The following KRT37 variants were observed in gnomAD, a reference collection of about 807,000 sequenced individuals.
The protein encoded by KRT37 is keratin 37.
A neutral mutation model predicts 41.9 loss-of-function variants in KRT37; 38 were observed. The observed-to-expected ratio is 0.91, with a 90% CI of 0.70 to 1.19. The LOEUF (loss-of-function observed/expected upper bound fraction) is 1.19, where lower values mean the gene tolerates loss of function less well. KRT37 is among the 50% of genes most tolerant of loss of function. The probability of loss-of-function intolerance (pLI) is 0.00; values close to 1 mark genes in which losing one functional copy is unlikely to be tolerated. For missense variants in KRT37, 580 were observed against 575.5 expected (o/e 1.01, Z -0.08); for synonymous variants, 252 against 243.4 (o/e 1.04, Z -0.33).
At position 41,422,354 on chromosome 17, in the gene KRT37, C is replaced by T. The variant is rs770097993; in HGVS notation, c.813G>A (p.Arg271=). 5 of 1,614,086 alleles carry T rather than the reference C, an allele frequency of 3.1e-6. No individual in the cohort carries two copies. The highest frequency in any genetic ancestry group is 1.3e-5 in the African/African-American group (1 of 74,944). ...LDIEPTIDLN[R]VLGEMRAQYE... ...ACTGAGCCCGCATCTCCCCCAACAC[C>T]CTGTTCAGGTCAATGGTGGGCTCAA... is the stretch of plus-strand genomic sequence containing the variant. Residue 271 remains arginine, a synonymous_variant, in exon 4 of 7, where the codon AGG becomes AGA. Coordinates refer to ENST00000225550, the MANE Select transcript of KRT37 (RefSeq NM_003770.5).
rs766404637 is a variant in KRT37 at position 41,422,862 on chromosome 17, G to A, written c.648C>T (p.Asp216=). The A allele has an allele frequency of 3.0e-5, 48 of 1,614,140 alleles. No individual in the cohort carries two copies. The highest frequency in any genetic ancestry group is 1.4e-4 in the South Asian group (13 of 91,078). Residue 216 remains aspartate (D), a synonymous_variant, in exon 3 of 7, where the codon GAC becomes GAT. Transcript: ENST00000225550. ...CCAGGTCGGCCTTGGCCAGGGTCGC[G>A]TCATCCAGGAGCTTCTGCGTCCCGC... ...DKCGTQKLLD[D]ATLAKADLEA...
rs750842593 is a variant in KRT37, at chr17:41,423,748, T to G, written c.575+14A>C. 1 of 1,613,004 alleles carries G rather than the reference T, an allele frequency of 6.2e-7. No individual in the cohort carries two copies. Among genetic ancestry groups the G allele is most frequent in the Admixed American group, 1.7e-5 (1 of 60,024 alleles). ...AGGAGAGAAGTCACACTGACCCTCC[T>G]CATCCTGACTTACTTGATCCTAAAG... On this transcript the variant is annotated intron_variant, in intron 2 of 6. Coordinates refer to ENST00000225550, the MANE Select transcript of KRT37 (RefSeq NM_003770.5).
chr17:41,420,973 G>C lies in KRT37; in HGVS notation c.1255C>G (p.Pro419Ala). ...ESEDCKLPCN[P>A]CSTPASCTSC... ...GTACAGGAGGCAGGCGTGGAACAGG[G>C]ATTGCAGGGGAGTCTGCAGGGAGAG... is the stretch of plus-strand genomic sequence containing the variant. The change falls in exon 7 of 7, where the codon CCC becomes GCC. Residue 419 changes from proline to alanine, a missense_variant. Physicochemically the swap from Pro to Ala is conservative, Grantham distance 27. Transcript: ENST00000225550. The C allele has an allele frequency of 2.5e-6, 4 of 1,612,940 alleles. No homozygotes were observed. Among genetic ancestry groups the C allele is most frequent in the Non-Finnish European group, 3.4e-6 (4 of 1,178,966 alleles).
At chr17:41,423,300 T>G (rs2018569926) in intron 2 of KRT37, 1 of 273,088 alleles carries the variant, frequency 3.7e-6, no homozygotes, top group Non-Finnish European at 6.8e-6. Flanking sequence ...TTGCTGCTTT[T>G]CCTCTTGGAT....
rs370336432 is a variant in KRT37, at chr17:41,424,508, T to C, written c.16A>G (p.Ser6Gly). The part of the protein sequence containing the change: MTSFY[S>G]TSSCPLGCTM... ...CAACCCAGAGGGCATGAGGAGGTGC[T>C]GTAGAAGGAGGTCATGGTGTAGGGC... The change falls in exon 1 of 7, where the codon AGC (serine) becomes GGC (glycine). Residue 6 changes from serine (S) to glycine (G), a missense_variant. Physicochemically the swap from Ser to Gly is moderately conservative, Grantham distance 56 (BLOSUM62 0). Coordinates refer to ENST00000225550, the MANE Select transcript of KRT37 (RefSeq NM_003770.5). 1.9e-6 allele frequency: 3 copies of C among 1,581,960 alleles called. No individual in the cohort carries two copies. The highest frequency in any genetic ancestry group is 2.7e-5 in the African/African-American group (2 of 74,478).
chr17:41,423,906 T>C, intron 1 of KRT37, 62 bp from the exon 2 acceptor site: 1 of 1,605,920 alleles, frequency 6.2e-7, no homozygotes. Flanking sequence ...CCACTCCATG[T>C]GTGGTATTTA....
chr17:41,422,477 C>T, intron 3 of KRT37, 43 bp from the exon 4 acceptor site: 1 of 1,606,974 alleles, frequency 6.2e-7, no homozygotes, highest in Non-Finnish European at 8.5e-7. Context: ...AAGGAAACGG[C>T]CTTTGATGGA....
At chr17:41,421,979 G>T in intron 5 of KRT37, 90 bp downstream of exon 5, 1 of 1,595,988 alleles carries the variant, frequency 6.3e-7, no homozygotes, top group Non-Finnish European at 8.6e-7. Context: ...ACTTAATGTT[G>T]AAGGAACTGA....
chr17:41,423,518 G>A, intron 2 of KRT37: 1 of 470,868 alleles, frequency 2.1e-6, no homozygotes, highest in Non-Finnish European at 3.7e-6. Flanking sequence ...TCTAGATATG[G>A]GAGAAAGTGA....
rs1249734225 is a variant in KRT37, at chr17:41,420,935, G to A, written c.1293C>T (p.Ser431=). ...STPASCTSCP[S]CGPVTGGSPS... ...GAGACCCACCGGTGACAGGGCCACAGCTTGGACAAGAAGTACAGGAGGCAG... is the reference window on the plus strand; with the variant it reads ...GAGACCCACCGGTGACAGGGCCACAACTTGGACAAGAAGTACAGGAGGCAG... Residue 431 remains serine (S), a synonymous_variant, in exon 7 of 7, where the codon AGC becomes AGT. Transcript: ENST00000225550. 1 of 1,613,996 alleles carries A rather than the reference G, an allele frequency of 6.2e-7. No homozygotes were observed. The highest frequency in any genetic ancestry group is 8.5e-7 in the Non-Finnish European group (1 of 1,180,012).
In KRT37 at chr17:41,422,087, G is replaced by A. The variant is rs747761004; in HGVS notation, c.1002C>T (p.Arg334=). 92 of 1,614,196 alleles carry A rather than the reference G, an allele frequency of 5.7e-5. No individual in the cohort carries two copies. The highest frequency in any genetic ancestry group is 4.0e-4 in the East Asian group (18 of 44,886). Residue 334 remains arginine, a synonymous_variant, in exon 5 of 7, where the codon CGC becomes CGT. Transcript: ENST00000225550. ...CACGTACCAAGGTGTGCTGGGCTTG[G>A]CGCTCCACCTCCAGGGCATTCACCG... ...RCTVNALEVE[R]QAQHTLKDCL... is the part of the protein sequence containing the mutation.
intron 3 of KRT37, 59 bp from the exon 4 acceptor site, chr17:41,422,493 C>G: frequency 6.3e-7 from 1 of 1,594,104 alleles, no homozygotes; most frequent in Non-Finnish European, 8.6e-7. Context: ...ATGGAGCAGA[C>G]AGCACCAGGA....
rs765193200 is a variant in KRT37, at chr17:41,422,980, C to T, written c.576-46G>A. On this transcript the variant is annotated intron_variant, in intron 2 of 6. Transcript: ENST00000225550. ...GGGTCAAAAAGAATGCCCCAATAGCCCCTCTCAGCTGCCCTGGCTTCCTAC... is the reference window on the plus strand; with the variant it reads ...GGGTCAAAAAGAATGCCCCAATAGCTCCTCTCAGCTGCCCTGGCTTCCTAC... The T allele has an allele frequency of 6.3e-6, 10 of 1,580,862 alleles. No individual in the cohort carries two copies. In the African/African-American group the frequency reaches 1.3e-4, roughly 21 times the overall value.
Position 41,424,213 on chromosome 17 carries a change from T to C in KRT37, c.311A>G (p.Glu104Gly), listed in dbSNP as rs990564708. 1.2e-6 allele frequency: 2 copies of C among 1,614,136 alleles called. No individual in the cohort carries two copies. Among genetic ancestry groups the C allele is most frequent in the African/African-American group, 2.7e-5 (2 of 74,948 alleles). ...ATTCAGGAACTTCATGGTCTCCTTC[T>C]CATGGCCATTCAGGGTGTTTTTGCC... ...AYGKNTLNGH[E>G]KETMKFLNDR... Residue 104 changes from glutamate to glycine, a missense_variant, in exon 1 of 7, where the codon GAG becomes GGG. By Grantham distance (98) the Glu-to-Gly change is moderately conservative. Coordinates refer to ENST00000225550, the MANE Select transcript of KRT37 (RefSeq NM_003770.5).
Position 41,422,188 on chromosome 17 carries a change from C to T in KRT37, c.901G>A (p.Gly301Ser). Residue 301 changes from glycine (G) to serine (S), a missense_variant, in exon 5 of 7, where the codon GGC becomes AGC. By Grantham distance (56) the Gly-to-Ser change is moderately conservative (BLOSUM62 0). Coordinates refer to ENST00000225550, the MANE Select transcript of KRT37 (RefSeq NM_003770.5). ...VEQWFQAQSE[G>S]ISLQAMSCSE... ...CAGGACATGGCCTGCAGGCTGATGCCTTCAGACTGGAGCACAGAGAAACAC... is the reference window on the plus strand; with the variant it reads ...CAGGACATGGCCTGCAGGCTGATGCTTTCAGACTGGAGCACAGAGAAACAC... The T allele has an allele frequency of 6.2e-7, 1 of 1,614,164 alleles. No homozygotes were observed. Among genetic ancestry groups the T allele is most frequent in the Non-Finnish European group, 8.5e-7 (1 of 1,180,030 alleles).
In KRT37 at chr17:41,422,382, T is replaced by C; in HGVS notation, c.785A>G (p.Asp262Gly). ...GTTCAGGTCAATGGTGGGCTCAATG[T>C]CCAGCTCGATCCGGAACTTCTCCCC... The part of the protein sequence containing the change: ...QLGEKFRIEL[D>G]IEPTIDLNRV... Residue 262 changes from aspartate to glycine, a missense_variant, in exon 4 of 7, where the codon GAC becomes GGC. Physicochemically the swap from Asp to Gly is moderately conservative, Grantham distance 94. Transcript: ENST00000225550. The C allele has an allele frequency of 6.2e-7, 1 of 1,614,176 alleles. No individual in the cohort carries two copies. The highest frequency in any genetic ancestry group is 8.5e-7 in the Non-Finnish European group (1 of 1,180,026).
intron 6 of KRT37, 91 bp from the exon 7 acceptor site, chr17:41,421,077 C>A (rs2144394737): frequency 2.1e-6 from 2 of 956,820 alleles, no homozygotes; most frequent in Non-Finnish European, 3.3e-6. Context: ...GGCCTGCCAC[C>A]AACAAGGCAC....
At chr17:41,421,674 A>G in intron 5 of KRT37, 87 bp from the exon 6 acceptor site, 4 of 1,241,872 alleles carry the variant, frequency 3.2e-6, no homozygotes, top group Non-Finnish European at 3.4e-6. Context: ...CACATAGGGC[A>G]AATTCCAAAA....
chr17:41,421,832 T>C (rs150117257), intron 5 of KRT37, among the ~76,000 whole-genome samples: 1 of 152,300 alleles, frequency 6.6e-6, no homozygotes, highest in Non-Finnish European at 1.5e-5. Context: ...TCGTAAAATC[T>C]TGTGGAGTGA....
Sources: allele counts gnomAD v4.1 joint callset (sites outside exome capture counted in the v4.1 genomes callset), GRCh38; gene constraint gnomAD v4.1.1; transcripts MANE v1.5; gene names NCBI Gene and HGNC (gene_info 2026-07-23, HGNC 2026-07-21).